DCAF17: variants seen among roughly 807,000 people sequenced by gnomAD.
The protein encoded by DCAF17 is DDB1- and CUL4-associated factor 17.
In DCAF17, 48 loss-of-function variants were observed where a neutral mutation model predicts 66.0. The ratio of observed to expected loss-of-function variants is 0.73; its 90% CI spans 0.58 to 0.92. The LOEUF (loss-of-function observed/expected upper bound fraction) is 0.92. Among genes scored for constraint, DCAF17 ranks in the 40% least tolerant of loss-of-function variants. DCAF17 has a pLI of 0.00. For missense variants in DCAF17, 562 were observed against 622.8 expected, an observed-to-expected ratio of 0.90 and a Z score of 1.04; for synonymous variants, 206 against 214.6, an observed-to-expected ratio of 0.96 and a Z score of 0.35.
rs1696720141 is a variant in DCAF17 at position 171,481,035 on chromosome 2, A to G, written c.1484A>G (p.Asn495Ser). The G allele has an allele frequency of 2.5e-6, 4 of 1,613,820 alleles. No individual in the cohort carries two copies. Among genetic ancestry groups the G allele is most frequent in the Non-Finnish European group, 3.4e-6 (4 of 1,179,718 alleles). ...DLVLHIEQKP[N>S]RVFSCYVYQM... ...GTGCTACACATAGAGCAGAAACCCA[A>G]CAGAGTCTTCAGCTGCTATGTTTAC... Residue 495 changes from asparagine to serine, a missense_variant, in exon 14 of 14, where the codon AAC (asparagine) becomes AGC (serine). Physicochemically the swap from Asn to Ser is conservative, Grantham distance 46 (BLOSUM62 1). Around this residue, in one of 3 missense-constraint regions of DCAF17, gnomAD observed 201 missense variants for 231.1 expected, o/e 0.87. Coordinates refer to ENST00000375255, the MANE Select transcript of DCAF17 (RefSeq NM_025000.4).
At chr2:171,448,841 C>T in intron 4 of DCAF17, 24 bp downstream of exon 4, 1 of 1,599,386 alleles carries the variant, frequency 6.3e-7, no homozygotes, top group Non-Finnish European at 8.6e-7. Context: ...ATTTATTATT[C>T]AAGATTTTAT....
intron 6 of DCAF17, among the ~76,000 whole-genome samples, chr2:171,457,286 C>G (rs545893671): frequency 6.6e-6 from 1 of 152,282 alleles, no homozygotes; most frequent in East Asian, 1.9e-4. Flanking sequence ...AAGTAATAAA[C>G]TGTTTCTATT....
chr2:171,461,103 A>G (rs1247337313), intron 8 of DCAF17, among the ~76,000 whole-genome samples: 1 of 152,226 alleles, frequency 6.6e-6, no homozygotes, highest in Non-Finnish European at 1.5e-5. Context: ...TTAACTTTAA[A>G]TAACTTTTTT....
At chr2:171,469,249 C>T (rs1338991449) in intron 9 of DCAF17, among the ~76,000 whole-genome samples, 2 of 152,130 alleles carry the variant, frequency 1.3e-5, no homozygotes, top group East Asian at 3.8e-4. Flanking sequence ...CTTATAGCAA[C>T]AAGAATTTTA....
At chr2:171,475,030 T>C (rs995523710) in intron 10 of DCAF17, among the ~76,000 whole-genome samples, 1 of 152,242 alleles carries the variant, frequency 6.6e-6, no homozygotes, top group Admixed American at 6.5e-5. Context: ...TTTAATGGCT[T>C]TTCATTGCTC....
intron 4 of DCAF17, 49 bp from the exon 5 acceptor site, chr2:171,449,830 A>G (rs763660064): frequency 7.8e-6 from 11 of 1,412,896 alleles, no homozygotes; most frequent in Non-Finnish European, 2.0e-6. Context: ...GGTTTTAAGT[A>G]TAAGGAAACT....
At chr2:171,471,338 A>G (rs1249800713) in intron 9 of DCAF17, among the ~76,000 whole-genome samples, 9 of 152,340 alleles carry the variant, frequency 5.9e-5, no homozygotes, top group Admixed American at 5.2e-4. Context: ...AGCTTTCTCT[A>G]TTAAACTGAG....
intron 12 of DCAF17, 79 bp downstream of exon 12, chr2:171,478,149 C>A: frequency 7.6e-7 from 1 of 1,307,942 alleles, no homozygotes; most frequent in Non-Finnish European, 1.1e-6. Context: ...TTCCCCATAT[C>A]CTGGGGTAGA....
At chr2:171,448,971 A>G (rs572730711) in intron 4 of DCAF17, among the ~76,000 whole-genome samples, 154 bp downstream of exon 4, 43 of 151,626 alleles carry the variant, frequency 2.8e-4, no homozygotes, top group East Asian at 1.9e-4. Context: ...TCATGACTAC[A>G]TTTAGAGGTC....
At chr2:171,459,279 T>C (rs1242728300) in intron 8 of DCAF17, among the ~76,000 whole-genome samples, 1 of 151,890 alleles carries the variant, frequency 6.6e-6, no homozygotes, top group Non-Finnish European at 1.5e-5. Flanking sequence ...GCCATTGCAC[T>C]CCAGCCTGGG....
At chr2:171,449,285 G>C (rs908307551) in intron 4 of DCAF17, among the ~76,000 whole-genome samples, 2 of 152,166 alleles carry the variant, frequency 1.3e-5, no homozygotes, top group African/African-American at 4.8e-5. Flanking sequence ...TGGGATTACA[G>C]GCGTGAGCCA....
At chr2:171,458,927 G>C (rs2105775182) in intron 8 of DCAF17, among the ~76,000 whole-genome samples, 1 of 152,248 alleles carries the variant, frequency 6.6e-6, no homozygotes, top group Middle Eastern at 3.4e-3. Flanking sequence ...TACTTAAAGA[G>C]TGCCAAATCA....
At chr2:171,480,310 G>A in intron 13 of DCAF17, 117 bp downstream of exon 13, 1 of 1,335,092 alleles carries the variant, frequency 7.5e-7, no homozygotes, top group Non-Finnish European at 1.0e-6. Context: ...ATGACCATGT[G>A]AAAGAGGTTT....
chr2:171,469,528 G>A (rs574806943), intron 9 of DCAF17, among the ~76,000 whole-genome samples: 31 of 152,298 alleles, frequency 2.0e-4, no homozygotes, highest in South Asian at 1.7e-3. Flanking sequence ...GAAATGGTAC[G>A]TGGTAAAACA....
At chr2:171,460,536 T>TATC in intron 8 of DCAF17, among the ~76,000 whole-genome samples, 1 of 146,882 alleles carries the variant, frequency 6.8e-6, no homozygotes, top group Non-Finnish European at 1.5e-5. Flanking sequence ...TTATTATTAT[T>TATC]ATTATTAATT....
intron 8 of DCAF17, among the ~76,000 whole-genome samples, chr2:171,466,727 G>GTTTTTTTTTT (rs74268270): frequency 1.5e-5 from 2 of 133,636 alleles, no homozygotes; most frequent in African/African-American, 5.5e-5. Context: ...TGTTTGTACT[G>GTTTTTTTTTT]TTTTTTTTTT....
chr2:171,457,916 A>G, intron 6 of DCAF17, 55 bp from the exon 7 acceptor site: 1 of 1,343,786 alleles, frequency 7.4e-7, no homozygotes, highest in Non-Finnish European at 1.1e-6. Flanking sequence ...GTGAACATTC[A>G]GAGGATTGGA....
chr2:171,469,580 TA>T (rs1696122230), intron 9 of DCAF17, among the ~76,000 whole-genome samples: 1 of 152,238 alleles, frequency 6.6e-6, no homozygotes, highest in African/African-American at 2.4e-5. Flanking sequence ...ATTTTCTTTT[TA>T]AAAATGGCTT....
In DCAF17 at chr2:171,458,258, C is replaced by T. The variant is rs1410850043; in HGVS notation, c.733-114C>T. On this transcript the variant is annotated intron_variant, in intron 7 of 13. Transcript: ENST00000375255. ...GGGGTGGGGAAGATAAACAGAAAGG[C>T]CATTGGAAAAAGACATTTTCTTTGT... 7 of 1,064,610 alleles carry T rather than the reference C, an allele frequency of 6.6e-6. No homozygotes were observed. The African/African-American group carries it at 9.4e-5, about 14-fold the overall frequency. 65.9% of individuals were successfully genotyped at this position (1,064,610 alleles called of 1,614,324 possible). A position where few individuals can be genotyped will look rare whatever the true frequency, so the allele number is the denominator to read the frequency against.
Sources: allele counts gnomAD v4.1 joint callset (sites outside exome capture counted in the v4.1 genomes callset), GRCh38; gene constraint gnomAD v4.1.1; regional missense constraint gnomAD v4.1.1; transcripts MANE v1.5; gene names NCBI Gene and HGNC (gene_info 2026-07-23, HGNC 2026-07-21).